Variants in KLHL2 observed in about 807,000 individuals in gnomAD.
KLHL2 encodes the protein kelch like family member 2, also known as kelch-like protein 2.
In KLHL2, 15 loss-of-function variants were observed where a neutral mutation model predicts 75.8. The ratio of observed to expected loss-of-function variants is 0.20; its 90% CI spans 0.13 to 0.30. The LOEUF (loss-of-function observed/expected upper bound fraction) is 0.30, where lower values mean the gene tolerates loss of function less well. Among genes scored for constraint, KLHL2 ranks in the 10% least tolerant of loss-of-function variants. KLHL2 has a pLI of 1.00. For synonymous variants in KLHL2, 214 were observed against 251.9 expected (o/e 0.85, Z 1.42); for missense variants, 381 against 741.0 (o/e 0.51, Z 5.64).
At chr4:165,236,854 A>G (rs1334563462) in intron 3 of KLHL2, among the ~76,000 whole-genome samples, 8 of 152,078 alleles carry the variant, frequency 5.3e-5, no homozygotes, top group Non-Finnish European at 1.2e-4. Flanking sequence ...TAAAAATGAC[A>G]AATATTTGAA....
At chr4:165,239,264 C>CTTTTTTTTTTTTTTTTTTTTTTTTTTT (rs60521648) in intron 4 of KLHL2, among the ~76,000 whole-genome samples, 1 of 134,852 alleles carries the variant, frequency 7.4e-6, no homozygotes, top group Non-Finnish European at 1.6e-5. Context: ...TTATTTCTGT[C>CTTTTTTTTTTTTTTTTTTTTTTTTTTT]TTTTTTTTTT....
chr4:165,279,727 C>T, intron 5 of KLHL2: 6 of 1,129,424 alleles, frequency 5.3e-6, no homozygotes, highest in Non-Finnish European at 8.1e-6. Context: ...GGTGACGAGT[C>T]CAAAGAGCGA....
intron 2 of KLHL2, among the ~76,000 whole-genome samples, chr4:165,228,360 C>T (rs374867893): frequency 2.0e-5 from 3 of 149,182 alleles, no homozygotes; most frequent in African/African-American, 5.0e-5. Flanking sequence ...GATGAACTAG[C>T]GTCTTTTAAG....
At chr4:165,293,572 A>G (rs968873292) in intron 5 of KLHL2, among the ~76,000 whole-genome samples, 2 of 149,064 alleles carry the variant, frequency 1.3e-5, no homozygotes, top group East Asian at 3.9e-4. Context: ...CTGCGATCTC[A>G]GCTCACTGCA....
intron 7 of KLHL2, among the ~76,000 whole-genome samples, chr4:165,298,774 A>G (rs28481787): frequency 1.1e-3 from 160 of 152,182 alleles, no homozygotes; most frequent in African/African-American, 3.7e-3. Context: ...CGTCTCTACT[A>G]AAAATACAAA....
intron 1 of KLHL2, among the ~76,000 whole-genome samples, chr4:165,212,726 AG>A (rs1158921145): frequency 6.6e-6 from 1 of 152,194 alleles, no homozygotes; most frequent in Non-Finnish European, 1.5e-5. Flanking sequence ...TACTCTCTCA[AG>A]CTTATCAAGT....
chr4:165,208,225 G>A (rs1736965795), intron 1 of KLHL2, among the ~76,000 whole-genome samples: 1 of 152,118 alleles, frequency 6.6e-6, no homozygotes, highest in African/African-American at 2.4e-5. Flanking sequence ...ATGGGCACCT[G>A]GTGCCGAGTT....
intron 5 of KLHL2, among the ~76,000 whole-genome samples, chr4:165,275,842 T>G (rs1200140770): frequency 6.6e-6 from 1 of 152,120 alleles, no homozygotes; most frequent in Non-Finnish European, 1.5e-5. Context: ...CCTTCAGAGC[T>G]GGGCATGGTG....
Position 165,299,627 on chromosome 4 carries a change from C to A in KLHL2, c.892C>A (p.Arg298=), listed in dbSNP as rs781178981. ...TATATTAATGAAGAGTGTCCGGACC[C>A]GGCTGAGGACACCCATGAACCTTCC... ...QRILMKSVRT[R]LRTPMNLPKL... The change falls in exon 8 of 15, where the codon CGG becomes AGG. Residue 298 remains arginine, a synonymous_variant. Coordinates refer to ENST00000226725, the MANE Select transcript of KLHL2 (RefSeq NM_007246.4). 5 of 1,612,060 alleles carry A rather than the reference C, an allele frequency of 3.1e-6. No homozygotes were observed. Among genetic ancestry groups the A allele is most frequent in the African/African-American group, 2.7e-5 (2 of 74,952 alleles).
chr4:165,288,934 G>T (rs1299545554), intron 5 of KLHL2, among the ~76,000 whole-genome samples: 1 of 151,104 alleles, frequency 6.6e-6, no homozygotes, highest in Non-Finnish European at 1.5e-5. Flanking sequence ...GGTAATATAA[G>T]AGCATTTAAT....
chr4:165,262,790 C>T (rs1306337092), intron 4 of KLHL2, among the ~76,000 whole-genome samples: 2 of 151,996 alleles, frequency 1.3e-5, no homozygotes, highest in East Asian at 3.9e-4. Flanking sequence ...TGTTGCCCAG[C>T]CTGGTCTCAA....
At chr4:165,281,262 A>G (rs1442630059) in intron 5 of KLHL2, among the ~76,000 whole-genome samples, 1 of 151,470 alleles carries the variant, frequency 6.6e-6, no homozygotes, top group Admixed American at 6.6e-5. Flanking sequence ...TGATTTTATT[A>G]CACTTATTTG....
chr4:165,297,764 T>G, intron 7 of KLHL2, 39 bp downstream of exon 7: 1 of 1,196,516 alleles, frequency 8.4e-7, no homozygotes, highest in Non-Finnish European at 1.3e-6. Flanking sequence ...CACACAGCAC[T>G]GTGTCACTGG....
intron 11 of KLHL2, among the ~76,000 whole-genome samples, chr4:165,311,787 C>G (rs767576826): frequency 6.7e-6 from 1 of 148,980 alleles, no homozygotes; most frequent in African/African-American, 2.5e-5. Context: ...ATCCCCCTCC[C>G]TTTATCCCTC....
chr4:165,263,932 C>T (rs1401141302), intron 5 of KLHL2, among the ~76,000 whole-genome samples: 1 of 150,590 alleles, frequency 6.6e-6, no homozygotes, highest in Non-Finnish European at 1.5e-5. Context: ...GCAGCCCACT[C>T]CTTGCATGCT....
At chr4:165,310,998 G>T (rs1044701421) in intron 10 of KLHL2, among the ~76,000 whole-genome samples, 5 of 152,024 alleles carry the variant, frequency 3.3e-5, no homozygotes, top group Middle Eastern at 3.4e-3. Context: ...GGGACTATAG[G>T]TGCCCGCCAC....
At chr4:165,254,611 T>G (rs1741014109) in intron 4 of KLHL2, among the ~76,000 whole-genome samples, 1 of 152,212 alleles carries the variant, frequency 6.6e-6, no homozygotes, top group Non-Finnish European at 1.5e-5. Flanking sequence ...TTACTGTACT[T>G]TAGTTTGAAT....
At chr4:165,305,579 T>C in intron 8 of KLHL2, 29 bp from the exon 9 acceptor site, 2 of 1,531,182 alleles carry the variant, frequency 1.3e-6, no homozygotes, top group East Asian at 4.5e-5. Context: ...TAGTCATTTG[T>C]TCAAGTGCTT....
At chr4:165,280,007 G>A (rs1335338725) in intron 5 of KLHL2, among the ~76,000 whole-genome samples, 6 of 152,138 alleles carry the variant, frequency 3.9e-5, no homozygotes, top group Non-Finnish European at 8.8e-5. Flanking sequence ...CAGTTCCAGG[G>A]TCTGTTGGAC....
Sources: allele counts gnomAD v4.1 joint callset (sites outside exome capture counted in the v4.1 genomes callset), GRCh38; gene constraint gnomAD v4.1.1; transcripts MANE v1.5; gene names NCBI Gene and HGNC (gene_info 2026-07-23, HGNC 2026-07-21).